TNKS2: variants seen among roughly 807,000 people sequenced by gnomAD.
TNKS2 encodes tankyrase 2.
A neutral mutation model predicts 137.6 loss-of-function variants in TNKS2; 72 were observed. The observed-to-expected ratio is 0.52, with a 90% CI of 0.43 to 0.64. The LOEUF (loss-of-function observed/expected upper bound fraction) is 0.64, where lower values mean the gene tolerates loss of function less well. Among genes scored for constraint, TNKS2 ranks in the 30% least tolerant of loss-of-function variants. TNKS2 has a pLI of 0.00. For synonymous variants in TNKS2, 516 were observed against 512.1 expected (o/e 1.01, Z -0.10); for missense variants, 1,049 against 1,410.2 (o/e 0.74, Z 4.10).
Position 91,849,580 on chromosome 10 carries a change from T to G in TNKS2, c.2680T>G (p.Phe894Val). Residue 894 changes from phenylalanine to valine, a missense_variant, in exon 20 of 27, where the codon TTT (phenylalanine) becomes GTT (valine). Phe to Val is a conservative substitution (Grantham distance 50). This residue lies in a region of TNKS2 where 208 missense variants were observed against 231.2 expected (regional missense o/e 0.90). Coordinates refer to ENST00000371627, the MANE Select transcript of TNKS2 (RefSeq NM_025235.4). ...TGGACTTGAGCACCTAATGGATATA[T>G]TTGAGAGAGAACAGGTGAGTAGATA... ...NLGLEHLMDI[F>V]EREQITLDVL... 1 of 1,610,396 alleles carries G rather than the reference T, an allele frequency of 6.2e-7. No homozygotes were observed. The highest frequency in any genetic ancestry group is 8.5e-7 in the Non-Finnish European group (1 of 1,178,558).
Position 91,845,953 on chromosome 10 carries a change from C to A in TNKS2, c.2358+13C>A. The A allele has an allele frequency of 6.7e-7, 1 of 1,503,590 alleles. No homozygotes were observed. 93.1% of individuals were successfully genotyped at this position (1,503,590 alleles called of 1,614,324 possible). A position where few individuals can be genotyped will look rare whatever the true frequency, so the allele number is the denominator to read the frequency against. On this transcript the variant is annotated intron_variant, in intron 18 of 26. Transcript: ENST00000371627. ...AGATTTAGTTTCAGTAAGTGATGGG[C>A]TTTTTGAAAAATCTCAGTGCTTTTC...
intron 11 of TNKS2, 62 bp from the exon 12 acceptor site, chr10:91,833,791 A>C (rs1841898493): frequency 7.5e-7 from 1 of 1,333,740 alleles, no homozygotes. Flanking sequence ...TGTTAAATAC[A>C]TGATTGTATG....
chr10:91,845,174 C>CGGT lies in TNKS2; in HGVS notation c.2169+147_2169+149dup, dbSNP rs1200455489. The CGGT allele has an allele frequency of 2.0e-5, 13 of 657,996 alleles. No individual in the cohort carries two copies. In the African/African-American group the frequency reaches 2.4e-4, roughly 12 times the overall value. The allele number at this position is 657,996 out of a possible 1,614,324, so 40.8% of individuals were successfully genotyped here. A position where few individuals can be genotyped will look rare whatever the true frequency, so the allele number is the denominator to read the frequency against. ...AAGAAGTTAAATAACTTCCAAATTT[C>CGGT]GGTTCTGAATCTGTTCTAAGCTTGC... On this transcript the variant is annotated intron_variant, in intron 17 of 26. Transcript: ENST00000371627.
chr10:91,850,241 C>T (rs1842501709), intron 20 of TNKS2, among the ~76,000 whole-genome samples: 1 of 151,194 alleles, frequency 6.6e-6, no homozygotes, highest in East Asian at 2.0e-4. Flanking sequence ...TGGTGGCAGG[C>T]ACCTATAATC....
At position 91,848,512 on chromosome 10, in the gene TNKS2, T is replaced by C. The variant is rs375144007; in HGVS notation, c.2488T>C (p.Ser830Pro). The change falls in exon 19 of 27, where the codon TCT (serine) becomes CCT (proline). Residue 830 changes from serine to proline, a missense_variant. Around this residue, in one of 6 missense-constraint regions of TNKS2, gnomAD observed 208 missense variants for 231.2 expected, o/e 0.90. Transcript: ENST00000371627. ...TGCAGATGCTCTCTCTTCAGGTCCA[T>C]CTAGCCCATCAAGCCTTTCTGCAGC... ...ATADALSSGPSSPSSLSAASS... is the reference protein window; with the variant it reads ...ATADALSSGPPSPSSLSAASS... 7 of 1,614,020 alleles carry C rather than the reference T, an allele frequency of 4.3e-6. No homozygotes were observed. In the African/African-American group the frequency reaches 5.3e-5, roughly 12 times the overall value.
intron 1 of TNKS2, among the ~76,000 whole-genome samples, chr10:91,810,910 C>CTCTTTTTTTTTTTTTTT (rs1844476950): frequency 2.0e-5 from 1 of 49,710 alleles, no homozygotes; most frequent in African/African-American, 7.9e-5. Context: ...TTCTTTCTCT[C>CTCTTTTTTTTTTTTTTT]TTTTCTTTTC....
chr10:91,840,026 G>A (rs182261824), intron 13 of TNKS2, among the ~76,000 whole-genome samples: 57 of 152,204 alleles, frequency 3.7e-4, no homozygotes, highest in Admixed American at 1.0e-3. Context: ...ACCCTTGAGC[G>A]TTAGAAAAAG....
At chr10:91,811,303 A>G (rs1310079819) in intron 1 of TNKS2, among the ~76,000 whole-genome samples, 2 of 151,170 alleles carry the variant, frequency 1.3e-5, no homozygotes, top group Non-Finnish European at 1.5e-5. Context: ...TTCCTTGCTC[A>G]TCTCCTTTCC....
intron 14 of TNKS2, 75 bp downstream of exon 14, chr10:91,840,781 T>C (rs1226518928): frequency 2.1e-6 from 3 of 1,402,278 alleles, no homozygotes; most frequent in Admixed American, 2.3e-5. Flanking sequence ...GGAAATATAA[T>C]ATGTTTTATT....
chr10:91,845,852 G>A lies in TNKS2; in HGVS notation c.2270G>A (p.Arg757Gln), dbSNP rs1244718738. 1.7e-5 allele frequency: 28 copies of A among 1,610,396 alleles called. No individual in the cohort carries two copies. The highest frequency in any genetic ancestry group is 2.2e-5 in the Non-Finnish European group (26 of 1,177,328). The change falls in exon 18 of 27, where the codon CGA becomes CAA. Residue 757 changes from arginine to glutamine, a missense_variant. By Grantham distance (43) the Arg-to-Gln change is conservative. Transcript: ENST00000371627. ...TTGCACGAAGCAGCCCAAAAGGGAC[G>A]AACACAGCTTTGTGCTTTGTTGCTA... ...TPLHEAAQKGRTQLCALLLAH... is the reference protein window; with the variant it reads ...TPLHEAAQKGQTQLCALLLAH...
At chr10:91,817,859 C>T (rs1445460813) in intron 3 of TNKS2, among the ~76,000 whole-genome samples, 7 of 152,134 alleles carry the variant, frequency 4.6e-5, no homozygotes, top group African/African-American at 1.7e-4. Flanking sequence ...ATATTATCTC[C>T]CTTGTTAATG....
At chr10:91,859,714 G>A in intron 25 of TNKS2, 66 bp downstream of exon 25, 1 of 1,370,300 alleles carries the variant, frequency 7.3e-7, no homozygotes, top group Non-Finnish European at 1.0e-6. Flanking sequence ...CATTTTTGAG[G>A]GCAAAGCATT....
intron 7 of TNKS2, among the ~76,000 whole-genome samples, chr10:91,826,148 G>A (rs919097994): frequency 3.3e-5 from 5 of 152,050 alleles, no homozygotes; most frequent in African/African-American, 1.2e-4. Context: ...ATTCACTTAC[G>A]TTTCATATAC....
chr10:91,859,586 T>A lies in TNKS2; in HGVS notation c.3219T>A (p.Tyr1073Ter). The A allele has an allele frequency of 1.2e-6, 2 of 1,614,026 alleles. No individual in the cohort carries two copies. The highest frequency in any genetic ancestry group is 1.7e-6 in the Non-Finnish European group (2 of 1,179,954). The change falls in exon 25 of 27, where the codon TAT (tyrosine) becomes TAA (stop). Residue 1073 changes from tyrosine to a stop codon, truncating the protein, a stop_gained. Transcript: ENST00000371627. LOFTEE classifies it high-confidence loss of function. ...ENSSKSNQYV[Y>*]GIGGGTGCPV... is the part of the protein sequence containing the mutation. The stretch of plus-strand genomic sequence containing the variant: ...CTTCCAAAAGCAATCAATATGTATA[T>A]GGAATTGGAGGAGGTACTGGGTGTC...
intron 1 of TNKS2, among the ~76,000 whole-genome samples, chr10:91,806,233 G>A (rs1844323401): frequency 6.6e-6 from 1 of 152,058 alleles, no homozygotes; most frequent in African/African-American, 2.4e-5. Flanking sequence ...CATTTAGGTG[G>A]TGAAATTTAG....
At chr10:91,820,070 T>C (rs781232251) in intron 6 of TNKS2, 37 bp downstream of exon 6, 6 of 1,333,864 alleles carry the variant, frequency 4.5e-6, no homozygotes, top group African/African-American at 3.0e-5. Context: ...TTTTTAAATG[T>C]TACCCTCTTC....
At chr10:91,816,083 G>C (rs1320107010) in intron 2 of TNKS2, among the ~76,000 whole-genome samples, 2 of 151,438 alleles carry the variant, frequency 1.3e-5, no homozygotes, top group East Asian at 3.9e-4. Flanking sequence ...CGAGTAGCTA[G>C]GACTACAGGC....
At chr10:91,837,115 T>C (rs953813477) in intron 13 of TNKS2, 117 bp downstream of exon 13, 3 of 912,076 alleles carry the variant, frequency 3.3e-6, no homozygotes, top group Non-Finnish European at 4.7e-6. Flanking sequence ...CCTTAAAAGG[T>C]CAATAATACA....
intron 7 of TNKS2, among the ~76,000 whole-genome samples, chr10:91,825,336 C>G (rs1018416613): frequency 6.6e-6 from 1 of 152,142 alleles, no homozygotes; most frequent in Non-Finnish European, 1.5e-5. Flanking sequence ...CTCCTAAGCT[C>G]AAGCGATCCA....
Sources: gnomAD v4.1 joint callset for allele counts (sites outside exome capture counted in the v4.1 genomes callset) on GRCh38, gnomAD v4.1.1 for gene constraint, gnomAD v4.1.1 regional missense constraint, MANE v1.5 for transcripts, NCBI Gene and HGNC (gene_info 2026-07-23, HGNC 2026-07-21) for gene names.